The following NXPH1 variants were observed in gnomAD, a reference collection of about 807,000 sequenced individuals.
The protein encoded by NXPH1 is neurexophilin-1.
NXPH1 carries 5 observed loss-of-function variants against 23.7 expected under a neutral mutation model. The ratio of observed to expected loss-of-function variants is 0.21; its 90% confidence interval spans 0.11 to 0.44. The LOEUF (loss-of-function observed/expected upper bound fraction) is 0.44, where lower values mean the gene tolerates loss of function less well. Among genes scored for constraint, NXPH1 ranks in the 20% least tolerant of loss-of-function variants. The pLI, the probability that NXPH1 is intolerant of heterozygous loss-of-function variation, is 0.99. For synonymous variants in NXPH1, 144 were observed against 122.2 expected, an observed-to-expected ratio of 1.18 and a Z score of -1.18; for missense variants, 324 against 321.6, an observed-to-expected ratio of 1.01 and a Z score of -0.06.
chr7:8,489,130 G>A (rs550708561), intron 2 of NXPH1, among the ~76,000 whole-genome samples: 4 of 152,154 alleles, frequency 2.6e-5, no homozygotes, highest in Admixed American at 6.5e-5. Context: ...TGGCTGTTTC[G>A]TTGTCAGGGC....
intron 2 of NXPH1, among the ~76,000 whole-genome samples, chr7:8,714,735 T>C (rs1779850048): frequency 6.6e-6 from 1 of 152,054 alleles, no homozygotes; most frequent in Admixed American, 6.5e-5. Flanking sequence ...AGAAATGTCA[T>C]CGGGTAGCAA....
intron 2 of NXPH1, among the ~76,000 whole-genome samples, chr7:8,668,902 C>T (rs774516143): frequency 1.3e-5 from 2 of 151,894 alleles, no homozygotes; most frequent in Non-Finnish European, 2.9e-5. Flanking sequence ...CCTGGGTATG[C>T]TGAAGCCAGA....
intron 2 of NXPH1, among the ~76,000 whole-genome samples, chr7:8,706,575 A>G (rs1779710641): frequency 6.6e-6 from 1 of 152,198 alleles, no homozygotes; most frequent in Admixed American, 6.5e-5. Flanking sequence ...CAGAACAACC[A>G]TGTGGAATAG....
At chr7:8,663,364 T>C (rs1010827871) in intron 2 of NXPH1, among the ~76,000 whole-genome samples, 2 of 152,092 alleles carry the variant, frequency 1.3e-5, no homozygotes, top group African/African-American at 2.4e-5. Flanking sequence ...TCATCCTTTC[T>C]GGTCTCACGA....
chr7:8,465,548 C>A (rs1401782294), intron 2 of NXPH1, among the ~76,000 whole-genome samples: 3 of 152,112 alleles, frequency 2.0e-5, no homozygotes, highest in East Asian at 3.9e-4. Context: ...TGCTATTAGG[C>A]TCCCAAGCTA....
At chr7:8,466,431 G>A (rs1280363896) in intron 2 of NXPH1, among the ~76,000 whole-genome samples, 1 of 152,144 alleles carries the variant, frequency 6.6e-6, no homozygotes, top group African/African-American at 2.4e-5. Flanking sequence ...GAACAGATTA[G>A]GCTGCTCTTT....
chr7:8,598,211 T>C (rs557360853), intron 2 of NXPH1, among the ~76,000 whole-genome samples: 2 of 152,238 alleles, frequency 1.3e-5, no homozygotes, highest in East Asian at 3.9e-4. Flanking sequence ...AATTATTTTC[T>C]CCCAGCGTCT....
intron 2 of NXPH1, among the ~76,000 whole-genome samples, chr7:8,600,724 G>A (rs1279510672): frequency 6.6e-6 from 1 of 152,090 alleles, no homozygotes; most frequent in Non-Finnish European, 1.5e-5. Flanking sequence ...GGTTTCACAA[G>A]AGTATTTAAA....
intron 2 of NXPH1, among the ~76,000 whole-genome samples, chr7:8,590,593 C>A (rs1269770413): frequency 6.6e-6 from 1 of 152,086 alleles, no homozygotes; most frequent in Non-Finnish European, 1.5e-5. Flanking sequence ...ATAACTCAAT[C>A]TGTTCATGAA....
intron 2 of NXPH1, among the ~76,000 whole-genome samples, chr7:8,603,896 A>T (rs1819418129): frequency 6.6e-6 from 1 of 152,116 alleles, no homozygotes; most frequent in Admixed American, 6.5e-5. Context: ...AAACTAATTG[A>T]ACATAGGAAA....
chr7:8,491,598 A>G (rs1022681605), intron 2 of NXPH1, among the ~76,000 whole-genome samples: 1 of 152,018 alleles, frequency 6.6e-6, no homozygotes, highest in Non-Finnish European at 1.5e-5. Context: ...TGTGGCTCAT[A>G]AGCCATTCTG....
chr7:8,519,723 G>A (rs184339662), intron 2 of NXPH1, among the ~76,000 whole-genome samples: 22 of 152,192 alleles, frequency 1.4e-4, no homozygotes, highest in Admixed American at 1.0e-3. Flanking sequence ...TGAAAGCCAT[G>A]CATGGGCTGA....
intron 2 of NXPH1, among the ~76,000 whole-genome samples, chr7:8,537,716 C>G (rs1818050071): frequency 6.6e-6 from 1 of 151,860 alleles, no homozygotes; most frequent in Non-Finnish European, 1.5e-5. Flanking sequence ...ACTGGGAGCT[C>G]TAATTAATAT....
chr7:8,679,212 G>A (rs1223370652), intron 2 of NXPH1, among the ~76,000 whole-genome samples: 1 of 151,984 alleles, frequency 6.6e-6, no homozygotes, highest in Non-Finnish European at 1.5e-5. Flanking sequence ...CTCCCAAAGT[G>A]CTGAGATTAC....
intron 2 of NXPH1, among the ~76,000 whole-genome samples, chr7:8,688,707 G>T (rs1234422863): frequency 1.3e-5 from 2 of 152,144 alleles, no homozygotes; most frequent in Admixed American, 6.6e-5. Context: ...CTGGGAAGGG[G>T]AATTGTAACT....
At chr7:8,470,912 C>T (rs1414524982) in intron 2 of NXPH1, among the ~76,000 whole-genome samples, 3 of 151,722 alleles carry the variant, frequency 2.0e-5, no homozygotes, top group Non-Finnish European at 4.4e-5. Flanking sequence ...ATGGCCTAGA[C>T]ATGGGAATGG....
At chr7:8,618,904 A>T (rs1819804074) in intron 2 of NXPH1, among the ~76,000 whole-genome samples, 1 of 152,170 alleles carries the variant, frequency 6.6e-6, no homozygotes, top group Non-Finnish European at 1.5e-5. Flanking sequence ...ATCTGGACCC[A>T]GTTTTTTTCT....
intron 2 of NXPH1, among the ~76,000 whole-genome samples, chr7:8,436,054 T>C (rs1246550055): frequency 2.0e-5 from 3 of 152,156 alleles, no homozygotes; most frequent in Non-Finnish European, 4.4e-5. Flanking sequence ...GGGTGCTTTA[T>C]GTGATAGAGG....
intron 2 of NXPH1, among the ~76,000 whole-genome samples, chr7:8,635,602 C>G (rs372209615): frequency 1.3e-5 from 2 of 152,202 alleles, no homozygotes; most frequent in African/African-American, 4.8e-5. Context: ...AGAACCATCA[C>G]TCAATTACCT....
Sources: allele counts gnomAD v4.1 joint callset (sites outside exome capture counted in the v4.1 genomes callset), GRCh38; gene constraint gnomAD v4.1.1; transcripts MANE v1.5; gene names NCBI Gene and HGNC (gene_info 2026-07-23, HGNC 2026-07-21).